ANXA6: variants seen among roughly 807,000 people sequenced by gnomAD.
The protein encoded by ANXA6 is annexin A6, also known as 67 kDa calelectrin.
A neutral mutation model predicts 95.4 loss-of-function variants in ANXA6; 71 were observed. The ratio of observed to expected loss-of-function variants is 0.74; its 90% CI spans 0.61 to 0.91. The LOEUF is 0.91. Ranked by LOEUF, ANXA6 falls within the 40% of genes least tolerant of loss-of-function variation. ANXA6 has a pLI of 0.00. For missense variants in ANXA6, 830 were observed against 876.4 expected (o/e 0.95, Z 0.67); for synonymous variants, 289 against 315.9 (o/e 0.91, Z 0.90).
chr5:151,124,364 T>C lies in ANXA6; in HGVS notation c.1060A>G (p.Lys354Glu), dbSNP rs1765255421. 2 of 1,610,284 alleles carry C rather than the reference T, an allele frequency of 1.2e-6. No homozygotes were observed. Among genetic ancestry groups the C allele is most frequent in the Non-Finnish European group, 1.7e-6 (2 of 1,178,408 alleles). The change falls in exon 15 of 26, where the codon AAG (lysine) becomes GAG (glutamate). Residue 354 changes from lysine to glutamate, a missense_variant. By Grantham distance (56) the Lys-to-Glu change is moderately conservative. Coordinates refer to ENST00000354546, the MANE Select transcript of ANXA6 (RefSeq NM_001155.5). ...TCATTGGCTGGGCGCACAGTTCCCT[T>C]CAGCTGTGAGAAGCAGAAAGAGACT... is the stretch of plus-strand genomic sequence containing the variant. ...ELSAVARVEL[K>E]GTVRPANDFN... is the part of the protein sequence containing the mutation.
intron 20 of ANXA6, among the ~76,000 whole-genome samples, chr5:151,113,284 C>A (rs2113902708): frequency 6.6e-6 from 1 of 152,224 alleles, no homozygotes; most frequent in Non-Finnish European, 1.5e-5. Flanking sequence ...TGCCTGTAAT[C>A]CCAGCTACTC....
intron 20 of ANXA6, among the ~76,000 whole-genome samples, chr5:151,116,214 A>T (rs1200526585): frequency 6.6e-6 from 1 of 152,196 alleles, no homozygotes; most frequent in East Asian, 1.9e-4. Flanking sequence ...CTCTCAATCC[A>T]TCAGTGCTCT....
chr5:151,156,361 T>C (rs1766237432), intron 1 of ANXA6, among the ~76,000 whole-genome samples: 1 of 152,212 alleles, frequency 6.6e-6, no homozygotes, highest in Non-Finnish European at 1.5e-5. Flanking sequence ...ATCCGGACTG[T>C]AACCGGGCTT....
At chr5:151,119,237 G>A (rs1372443376) in intron 18 of ANXA6, 63 bp downstream of exon 18, 3 of 1,358,296 alleles carry the variant, frequency 2.2e-6, no homozygotes, top group Non-Finnish European at 3.2e-6. Context: ...CTGTGGGCTG[G>A]GGTTGGAAGT....
intron 21 of ANXA6, among the ~76,000 whole-genome samples, chr5:151,110,325 A>G (rs143652025): frequency 6.6e-6 from 1 of 152,198 alleles, no homozygotes; most frequent in East Asian, 1.9e-4. Context: ...CTAGCTAGCT[A>G]CTAGTTCTAT....
At chr5:151,111,326 T>C (rs1413828022) in intron 20 of ANXA6, among the ~76,000 whole-genome samples, 3 of 152,228 alleles carry the variant, frequency 2.0e-5, no homozygotes, top group Non-Finnish European at 2.9e-5. Context: ...CCCAGGCTCA[T>C]GTACCTAGGC....
chr5:151,112,648 G>A (rs918365129), intron 20 of ANXA6, among the ~76,000 whole-genome samples: 15 of 152,106 alleles, frequency 9.9e-5, no homozygotes, highest in African/African-American at 2.2e-4. Context: ...CCGGGATAAC[G>A]TGGAGAAACC....
chr5:151,142,163 T>C (rs1251658708), intron 2 of ANXA6, among the ~76,000 whole-genome samples: 1 of 152,170 alleles, frequency 6.6e-6, no homozygotes, highest in Non-Finnish European at 1.5e-5. Flanking sequence ...CAGCAGGCAA[T>C]ATTAGCTACT....
At position 151,134,455 on chromosome 5, in the gene ANXA6, C is replaced by A. The variant is rs963261194; in HGVS notation, c.518G>T (p.Ser173Ile). ...QGTREEDDVV[S>I]EDLVQQDVQD... ...GACATCCTGTTGTACCAGGTCCTCGCTCACTACGTCATCCTCCTCCCTGGT... is the reference window on the plus strand; with the variant it reads ...GACATCCTGTTGTACCAGGTCCTCGATCACTACGTCATCCTCCTCCCTGGT... The change falls in exon 8 of 26, where the codon AGC becomes ATC. Residue 173 changes from serine to isoleucine, a missense_variant. Physicochemically the swap from Ser to Ile is moderately radical, Grantham distance 142 (BLOSUM62 -2). Transcript: ENST00000354546. 1.9e-6 allele frequency: 3 copies of A among 1,613,932 alleles called. No homozygotes were observed. The highest frequency in any genetic ancestry group is 2.5e-6 in the Non-Finnish European group (3 of 1,179,912).
intron 1 of ANXA6, among the ~76,000 whole-genome samples, chr5:151,149,477 G>A (rs1189723691): frequency 6.6e-6 from 1 of 152,056 alleles, no homozygotes; most frequent in Non-Finnish European, 1.5e-5. Context: ...ACTTTAAGCA[G>A]GTCTGGGCAA....
intron 2 of ANXA6, among the ~76,000 whole-genome samples, chr5:151,141,137 T>C (rs370172391): frequency 7.9e-5 from 12 of 152,306 alleles, no homozygotes; most frequent in African/African-American, 2.6e-4. Context: ...TGAACCTGAA[T>C]GCACAATGGG....
chr5:151,126,213 C>A (rs1439046305), intron 14 of ANXA6, among the ~76,000 whole-genome samples, 189 bp downstream of exon 14: 1 of 152,160 alleles, frequency 6.6e-6, no homozygotes, highest in African/African-American at 2.4e-5. Flanking sequence ...GTGTCAGAAG[C>A]TAATGCAGAA....
At chr5:151,127,852 T>C (rs1765370202) in intron 13 of ANXA6, among the ~76,000 whole-genome samples, 1 of 152,214 alleles carries the variant, frequency 6.6e-6, no homozygotes, top group Admixed American at 6.5e-5. Flanking sequence ...TAACAGGTGA[T>C]GAAACCGAGA....
intron 8 of ANXA6, among the ~76,000 whole-genome samples, chr5:151,134,024 C>A (rs1765589902): frequency 6.6e-6 from 1 of 152,318 alleles, no homozygotes; most frequent in Admixed American, 6.5e-5. Flanking sequence ...ACTCAAAACA[C>A]CTGCAATGTA....
chr5:151,123,788 T>A (rs981073699), intron 15 of ANXA6, among the ~76,000 whole-genome samples: 1 of 152,230 alleles, frequency 6.6e-6, no homozygotes, highest in Non-Finnish European at 1.5e-5. Context: ...CCAGCTGATC[T>A]GAACCTGTGG....
intron 17 of ANXA6, among the ~76,000 whole-genome samples, chr5:151,121,145 T>G (rs1397564261): frequency 3.9e-5 from 6 of 152,226 alleles, no homozygotes; most frequent in Admixed American, 3.9e-4. Flanking sequence ...CTCCTCTTAA[T>G]GCGCAAGGGG....
At chr5:151,131,524 A>G (rs139186152) in intron 10 of ANXA6, among the ~76,000 whole-genome samples, 5 of 152,326 alleles carry the variant, frequency 3.3e-5, no homozygotes, top group African/African-American at 1.2e-4. Context: ...AGTCCATCAC[A>G]AAGACCGCCT....
chr5:151,157,481 G>A (rs1766267574), intron 1 of ANXA6, among the ~76,000 whole-genome samples, 199 bp downstream of exon 1: 1 of 151,812 alleles, frequency 6.6e-6, no homozygotes, highest in African/African-American at 2.4e-5. Context: ...GCGCCTCTCC[G>A]CCCCGACCCC....
At chr5:151,124,205 C>A in intron 15 of ANXA6, 81 bp downstream of exon 15, 2 of 1,217,164 alleles carry the variant, frequency 1.6e-6, no homozygotes, top group South Asian at 1.3e-5. Flanking sequence ...AAACCTCACT[C>A]CATCCCCTGC....
Sources: allele counts gnomAD v4.1 joint callset (sites outside exome capture counted in the v4.1 genomes callset), GRCh38; gene constraint gnomAD v4.1.1; transcripts MANE v1.5; gene names NCBI Gene and HGNC (gene_info 2026-07-23, HGNC 2026-07-21).